BRINP1: variants seen among roughly 807,000 people sequenced by gnomAD.
BRINP1 encodes BMP/retinoic acid-inducible neural-specific protein 1.
In BRINP1, 17 loss-of-function variants were observed where a neutral mutation model predicts 72.9. That is an observed-to-expected ratio of 0.23 (90% CI 0.16 to 0.35). The LOEUF (loss-of-function observed/expected upper bound fraction) is 0.35, where lower values mean the gene tolerates loss of function less well. Among genes scored for constraint, BRINP1 ranks in the 10% least tolerant of loss-of-function variants. The pLI is 1.00. For synonymous variants in BRINP1, 418 were observed against 378.5 expected (o/e 1.10, Z -1.21); for missense variants, 850 against 1,001.6 (o/e 0.85, Z 2.04).
chr9:119,284,969 G>A (rs1830745050), intron 2 of BRINP1, among the ~76,000 whole-genome samples: 1 of 152,094 alleles, frequency 6.6e-6, no homozygotes, highest in African/African-American at 2.4e-5. Flanking sequence ...AAGATTAACT[G>A]CCTACTGAAA....
intron 5 of BRINP1, among the ~76,000 whole-genome samples, chr9:119,223,490 C>A (rs1218446446): frequency 6.6e-6 from 1 of 152,052 alleles, no homozygotes; most frequent in Non-Finnish European, 1.5e-5. Context: ...AAGCACCTTG[C>A]ACATATTTCA....
chr9:119,202,952 T>A (rs1417958715), intron 7 of BRINP1, among the ~76,000 whole-genome samples: 1 of 152,100 alleles, frequency 6.6e-6, no homozygotes, highest in Admixed American at 6.5e-5. Flanking sequence ...CCTCTTCTGG[T>A]TACCTACAGG....
chr9:119,195,559 T>C (rs1467746124), intron 7 of BRINP1, among the ~76,000 whole-genome samples: 1 of 152,234 alleles, frequency 6.6e-6, no homozygotes, highest in Admixed American at 6.5e-5. Flanking sequence ...ATAAGGTATT[T>C]GTCTTGGTAA....
chr9:119,219,672 AGAG>A, intron 5 of BRINP1, among the ~76,000 whole-genome samples: 1 of 151,564 alleles, frequency 6.6e-6, no homozygotes, highest in East Asian at 1.9e-4. Flanking sequence ...AGAGAGAGAG[AGAG>A]AGAGAGAGAG....
At chr9:119,304,448 G>A (rs1830974207) in intron 2 of BRINP1, among the ~76,000 whole-genome samples, 1 of 152,150 alleles carries the variant, frequency 6.6e-6, no homozygotes, top group Non-Finnish European at 1.5e-5. Context: ...GAAGAGTCAG[G>A]TATAGATAAA....
At chr9:119,220,617 C>CAAA (rs201690872) in intron 5 of BRINP1, among the ~76,000 whole-genome samples, 5 of 147,354 alleles carry the variant, frequency 3.4e-5, no homozygotes, top group African/African-American at 7.4e-5. Flanking sequence ...AAAACTAAAG[C>CAAA]AAAAAAAAAA....
intron 2 of BRINP1, among the ~76,000 whole-genome samples, chr9:119,290,024 AG>A (rs1239387986): frequency 6.6e-5 from 10 of 152,244 alleles, no homozygotes; most frequent in East Asian, 5.8e-4. Flanking sequence ...GAACTGGTCA[AG>A]TCTGCAGGAT....
intron 1 of BRINP1, among the ~76,000 whole-genome samples, chr9:119,347,376 T>C (rs1023764140): frequency 6.6e-6 from 1 of 152,138 alleles, no homozygotes; most frequent in Non-Finnish European, 1.5e-5. Context: ...TAACCTCAGT[T>C]CCCACACCAG....
chr9:119,354,941 TG>T (rs1237057350), intron 1 of BRINP1, among the ~76,000 whole-genome samples: 2 of 152,290 alleles, frequency 1.3e-5, no homozygotes, highest in Non-Finnish European at 2.9e-5. Flanking sequence ...AGGCCAAGAT[TG>T]AGCAAAACAG....
intron 7 of BRINP1, among the ~76,000 whole-genome samples, chr9:119,172,517 A>C (rs1477614498): frequency 6.6e-6 from 1 of 151,764 alleles, no homozygotes; most frequent in Non-Finnish European, 1.5e-5. Flanking sequence ...AGAGTCCAGG[A>C]CCAGATGGAT....
At chr9:119,358,569 C>T (rs1304900052) in intron 1 of BRINP1, among the ~76,000 whole-genome samples, 1 of 152,160 alleles carries the variant, frequency 6.6e-6, no homozygotes, top group African/African-American at 2.4e-5. Flanking sequence ...CGGCGTGTGC[C>T]TGTAGTCCCA....
chr9:119,175,803 A>G (rs1024491793), intron 7 of BRINP1, among the ~76,000 whole-genome samples: 3 of 152,146 alleles, frequency 2.0e-5, no homozygotes, highest in African/African-American at 7.2e-5. Flanking sequence ...GCTGTCTTCC[A>G]TGCTACCAAT....
At chr9:119,251,601 A>G (rs1248121961) in intron 2 of BRINP1, among the ~76,000 whole-genome samples, 1 of 149,326 alleles carries the variant, frequency 6.7e-6, no homozygotes, top group Non-Finnish European at 1.5e-5. Context: ...AAACAAATAA[A>G]CACAAAAACA....
At chr9:119,176,885 A>G (rs1390015783) in intron 7 of BRINP1, among the ~76,000 whole-genome samples, 1 of 152,148 alleles carries the variant, frequency 6.6e-6, no homozygotes, top group East Asian at 1.9e-4. Context: ...CTGGGAAAAA[A>G]TGGCGGAATA....
chr9:119,275,290 C>A (rs532834510), intron 2 of BRINP1, among the ~76,000 whole-genome samples: 10 of 152,318 alleles, frequency 6.6e-5, no homozygotes, highest in African/African-American at 2.4e-4. Flanking sequence ...AACATCAAAT[C>A]ATCTCTGAAG....
chr9:119,210,088 G>A (rs1052745636), intron 6 of BRINP1, among the ~76,000 whole-genome samples: 1 of 152,140 alleles, frequency 6.6e-6, no homozygotes, highest in African/African-American at 2.4e-5. Context: ...AGCCCAAAAT[G>A]GGAAGATGAT....
chr9:119,336,543 G>T (rs1831346708), intron 1 of BRINP1, among the ~76,000 whole-genome samples: 1 of 152,106 alleles, frequency 6.6e-6, no homozygotes, highest in South Asian at 2.1e-4. Flanking sequence ...GGCTGTGAGG[G>T]TGGGAGTGAA....
At chr9:119,178,973 G>A (rs1829522238) in intron 7 of BRINP1, among the ~76,000 whole-genome samples, 1 of 152,172 alleles carries the variant, frequency 6.6e-6, no homozygotes. Flanking sequence ...GGACCTGCCA[G>A]GGTCCCTCTC....
intron 5 of BRINP1, among the ~76,000 whole-genome samples, chr9:119,237,947 A>G (rs1299256551): frequency 1.3e-5 from 2 of 152,188 alleles, no homozygotes; most frequent in Non-Finnish European, 1.5e-5. Context: ...GGTGTGAGCC[A>G]CTGCACCCTG....
Sources: gnomAD v4.1 joint callset for allele counts (sites outside exome capture counted in the v4.1 genomes callset) on GRCh38, gnomAD v4.1.1 for gene constraint, MANE v1.5 for transcripts, NCBI Gene and HGNC (gene_info 2026-07-23, HGNC 2026-07-21) for gene names.